Variants in GALNT12 observed in about 807,000 individuals in gnomAD.
GALNT12 encodes the protein polypeptide N-acetylgalactosaminyltransferase 12.
A neutral mutation model predicts 55.5 loss-of-function variants in GALNT12; 45 were observed. The observed-to-expected ratio is 0.81, with a 90% CI of 0.64 to 1.04. The LOEUF (loss-of-function observed/expected upper bound fraction) is 1.04, where lower values mean the gene tolerates loss of function less well. GALNT12 is among the 50% of genes least tolerant of loss of function. GALNT12 has a pLI of 0.00. For missense variants in GALNT12, 709 were observed against 754.8 expected (o/e 0.94, Z 0.71); for synonymous variants, 304 against 312.2 (o/e 0.97, Z 0.28).
chr9:98,831,611 C>A, intron 3 of GALNT12, 161 bp from the exon 4 acceptor site: 1 of 340,972 alleles, frequency 2.9e-6, no homozygotes, highest in Non-Finnish European at 4.1e-6. Flanking sequence ...TGCCAGGGCT[C>A]TGACACGGCT....
At chr9:98,840,706 A>G (rs1836267898) in intron 7 of GALNT12, among the ~76,000 whole-genome samples, 1 of 152,202 alleles carries the variant, frequency 6.6e-6, no homozygotes, top group African/African-American at 2.4e-5. Context: ...TATTCATGTT[A>G]CATTCTATTT....
At chr9:98,827,574 A>T (rs1398615362) in intron 3 of GALNT12, among the ~76,000 whole-genome samples, 1 of 152,200 alleles carries the variant, frequency 6.6e-6, no homozygotes, top group East Asian at 1.9e-4. Context: ...GCACTCCTAA[A>T]GAATACACAT....
intron 1 of GALNT12, among the ~76,000 whole-genome samples, chr9:98,809,049 C>A (rs1055326942): frequency 6.6e-6 from 1 of 152,136 alleles, no homozygotes; most frequent in African/African-American, 2.4e-5. Flanking sequence ...GAAATAGGTT[C>A]GGAAAGGATA....
intron 3 of GALNT12, among the ~76,000 whole-genome samples, chr9:98,829,201 C>G (rs1457735274): frequency 6.7e-6 from 1 of 149,252 alleles, no homozygotes; most frequent in East Asian, 2.1e-4. Flanking sequence ...ATCTATCTAT[C>G]TATCTGAGAC....
At chr9:98,830,945 C>G (rs1554755879) in intron 3 of GALNT12, among the ~76,000 whole-genome samples, 1 of 152,156 alleles carries the variant, frequency 6.6e-6, no homozygotes, top group Non-Finnish European at 1.5e-5. Flanking sequence ...AAATTCCAGA[C>G]AACGTCCCCC....
intron 1 of GALNT12, among the ~76,000 whole-genome samples, chr9:98,821,579 C>T (rs1390158935): frequency 2.9e-5 from 4 of 139,606 alleles, no homozygotes; most frequent in Admixed American, 1.6e-4. Context: ...GAGCCGAGAT[C>T]GTGCCACCGC....
At chr9:98,826,724 A>G in intron 2 of GALNT12, 28 bp from the exon 3 acceptor site, 1 of 1,604,716 alleles carries the variant, frequency 6.2e-7, no homozygotes, top group South Asian at 1.1e-5. Flanking sequence ...TGTCACGGTG[A>G]CCCCTGTTGC....
At chr9:98,817,600 A>T (rs1490043200) in intron 1 of GALNT12, among the ~76,000 whole-genome samples, 1 of 152,012 alleles carries the variant, frequency 6.6e-6, no homozygotes, top group Non-Finnish European at 1.5e-5. Context: ...AGTAGCTGGG[A>T]CTACAGGTGC....
chr9:98,846,207 A>G (rs1836411302), intron 9 of GALNT12, 84 bp downstream of exon 9: 1 of 1,530,496 alleles, frequency 6.5e-7, no homozygotes, highest in East Asian at 2.3e-5. Context: ...TCTCTGGCAT[A>G]GTCCTGGTGA....
chr9:98,843,956 G>A (rs1836355059), intron 7 of GALNT12, 140 bp from the exon 8 acceptor site: 7 of 677,328 alleles, frequency 1.0e-5, no homozygotes, highest in Admixed American at 2.2e-5. Context: ...AGAAGGTGCT[G>A]TACAGAAAAG....
chr9:98,835,985 CT>C (rs1836133541), intron 5 of GALNT12, among the ~76,000 whole-genome samples: 2 of 152,222 alleles, frequency 1.3e-5, no homozygotes, highest in African/African-American at 2.4e-5. Context: ...ATCCACCCGC[CT>C]TGGCCTCCCA....
intron 4 of GALNT12, among the ~76,000 whole-genome samples, chr9:98,834,664 A>G (rs77624279): frequency 6.6e-6 from 1 of 152,218 alleles, no homozygotes; most frequent in Admixed American, 6.5e-5. Context: ...TTCAGATGCC[A>G]GAGTTGCCTT....
intron 1 of GALNT12, among the ~76,000 whole-genome samples, chr9:98,821,150 T>C (rs917522874): frequency 6.6e-6 from 1 of 152,096 alleles, no homozygotes; most frequent in Non-Finnish European, 1.5e-5. Flanking sequence ...GCTGAGGTTA[T>C]AGGCGTGTGC....
chr9:98,822,521 A>T (rs1835768453), intron 1 of GALNT12, among the ~76,000 whole-genome samples: 1 of 152,198 alleles, frequency 6.6e-6, no homozygotes, highest in Non-Finnish European at 1.5e-5. Context: ...CCACCACATG[A>T]CTACCACATC....
At chr9:98,840,654 T>C (rs924542936) in intron 7 of GALNT12, among the ~76,000 whole-genome samples, 4 of 152,234 alleles carry the variant, frequency 2.6e-5, no homozygotes, top group African/African-American at 9.6e-5. Context: ...TCAGAAGTGC[T>C]GGTGTTCCAT....
chr9:98,811,245 T>A (rs1470751186), intron 1 of GALNT12, among the ~76,000 whole-genome samples: 1 of 152,102 alleles, frequency 6.6e-6, no homozygotes, highest in Non-Finnish European at 1.5e-5. Context: ...TAATAACAGG[T>A]CAAATGTAGT....
intron 1 of GALNT12, among the ~76,000 whole-genome samples, chr9:98,808,900 G>A (rs887739279): frequency 6.6e-6 from 1 of 152,142 alleles, no homozygotes; most frequent in South Asian, 2.1e-4. Flanking sequence ...GTCCTTTTTT[G>A]AGCCCCTTCC....
chr9:98,846,061 AC>A lies in GALNT12; in HGVS notation c.1546del (p.Ile517SerfsTer92). Reference sequence around the variant, plus strand: ...CATTGCTGTGGAAGCAGGAATGGATACCCTTATCATGCATCTCTGCGAAGAA... The same window carrying A: ...CATTGCTGTGGAAGCAGGAATGGATACCTTATCATGCATCTCTGCGAAGAA... ...GCIAVEAGMD[T>X]LIMHLCEETA... On this transcript the variant is annotated frameshift_variant, in exon 9 of 10. Coordinates refer to ENST00000375011, the MANE Select transcript of GALNT12 (RefSeq NM_024642.5). LOFTEE classifies it high-confidence loss of function. 1 of 1,614,148 alleles carries A rather than the reference AC, an allele frequency of 6.2e-7. No individual in the cohort carries two copies. Among genetic ancestry groups the A allele is most frequent in the Non-Finnish European group, 8.5e-7 (1 of 1,179,996 alleles).
intron 5 of GALNT12, 135 bp from the exon 6 acceptor site, chr9:98,836,837 C>T (rs1471526252): frequency 3.2e-6 from 3 of 923,106 alleles, no homozygotes; most frequent in Admixed American, 1.9e-5. Flanking sequence ...TAGGTGGCCT[C>T]CTGCCCGATG....
Sources: gnomAD v4.1 joint callset for allele counts (sites outside exome capture counted in the v4.1 genomes callset) on GRCh38, gnomAD v4.1.1 for gene constraint, MANE v1.5 for transcripts, NCBI Gene and HGNC (gene_info 2026-07-23, HGNC 2026-07-21) for gene names.